IFT172: variants seen among roughly 807,000 people sequenced by gnomAD.
IFT172 encodes the protein intraflagellar transport 172, also known as intraflagellar transport protein 172 homolog.
IFT172 carries 164 observed loss-of-function variants against 248.9 expected under a neutral mutation model. The ratio of observed to expected loss-of-function variants is 0.66; its 90% CI spans 0.58 to 0.75. The LOEUF is 0.75. IFT172 is among the 30% of genes least tolerant of loss of function. The probability of loss-of-function intolerance (pLI) is 0.00; values close to 1 mark genes in which losing one functional copy is unlikely to be tolerated. For missense variants in IFT172, 1,950 were observed against 2,192.4 expected (o/e 0.89, Z 2.21); for synonymous variants, 729 against 791.6 (o/e 0.92, Z 1.33).
In IFT172 at chr2:27,457,689, C is replaced by T. The variant is rs560379580; in HGVS notation, c.3178G>A (p.Ala1060Thr). ...YHYLEAQEWK[A>T]TVNMYRASGL... ...CTGGCCCGGTACATGTTCACTGTTG[C>T]CTTCCATTCCTGGGCCTCGAGGTAG... The change falls in exon 29 of 48, where the codon GCA becomes ACA. Residue 1060 changes from alanine (A) to threonine (T), a missense_variant. Physicochemically the swap from Ala to Thr is moderately conservative, Grantham distance 58. Around this residue, in one of 3 missense-constraint regions of IFT172, gnomAD observed 164 missense variants for 239.3 expected, o/e 0.69. Coordinates refer to ENST00000260570, the MANE Select transcript of IFT172 (RefSeq NM_015662.3). 4.6e-5 allele frequency: 74 copies of T among 1,614,216 alleles called. No individual in the cohort carries two copies. The South Asian group carries it at 6.3e-4, about 14-fold the overall frequency.
rs755926439 is a variant in IFT172 at position 27,470,992 on chromosome 2, C to T, written c.1628G>A (p.Arg543Gln). 2.0e-5 allele frequency: 32 copies of T among 1,613,798 alleles called. No homozygotes were observed. In the East Asian group the frequency reaches 2.2e-4, roughly 11 times the overall value. The change falls in exon 16 of 48, where the codon CGA becomes CAA. Residue 543 changes from arginine (R) to glutamine (Q), a missense_variant. Physicochemically the swap from Arg to Gln is conservative, Grantham distance 43. Coordinates refer to ENST00000260570, the MANE Select transcript of IFT172 (RefSeq NM_015662.3). ...PGSDVLVAQN[R>Q]NSLCVWYNIE... Reference sequence around the variant, plus strand: ...GTTGTACCATACACACAGACTGTTTCGGTTCTGAGCTACCAGCACGTCACT... The same window carrying T: ...GTTGTACCATACACACAGACTGTTTTGGTTCTGAGCTACCAGCACGTCACT...
At chr2:27,482,501 T>A (rs368745755) in intron 7 of IFT172, among the ~76,000 whole-genome samples, 2 of 151,864 alleles carry the variant, frequency 1.3e-5, no homozygotes, top group East Asian at 3.9e-4. Flanking sequence ...GTCAGGCTGG[T>A]TTCCAACTCC....
chr2:27,448,200 T>G (rs929165605), intron 40 of IFT172, among the ~76,000 whole-genome samples: 5 of 151,978 alleles, frequency 3.3e-5, no homozygotes, highest in African/African-American at 1.2e-4. Context: ...CCCAGGTTCA[T>G]GCCATTCTCC....
intron 4 of IFT172, 53 bp from the exon 5 acceptor site, chr2:27,483,990 T>C (rs1410586976): frequency 1.4e-5 from 22 of 1,523,434 alleles, no homozygotes; most frequent in Non-Finnish European, 2.0e-5. Flanking sequence ...GGGCCAGCAC[T>C]TTTATAACAA....
Position 27,478,431 on chromosome 2 carries a change from C to G in IFT172, c.1006-275G>C, listed in dbSNP as rs1668121454. Among the ~76,000 whole-genome samples, 4 of 152,144 alleles carry G rather than the reference C, an allele frequency of 2.6e-5. No homozygotes were observed. The South Asian group carries it at 6.2e-4, about 24-fold the overall frequency. Reference sequence around the variant, plus strand: ...ACCAATCACTCTATGTTCTCATGGTCTTTGTACAAACCTTATATATCATTG... The same window carrying G: ...ACCAATCACTCTATGTTCTCATGGTGTTTGTACAAACCTTATATATCATTG... On this transcript the variant is annotated intron_variant, in intron 10 of 47. Transcript: ENST00000260570.
At position 27,462,806 on chromosome 2, in the gene IFT172, AAGG is replaced by A; in HGVS notation, c.2023-16_2023-14del. 1 of 1,613,644 alleles carries A rather than the reference AAGG, an allele frequency of 6.2e-7. No individual in the cohort carries two copies. Among genetic ancestry groups the A allele is most frequent in the Non-Finnish European group, 8.5e-7 (1 of 1,179,618 alleles). On this transcript the variant is annotated splice_polypyrimidine_tract_variant and intron_variant, in intron 19 of 47. Transcript: ENST00000260570. ...TTCCTTCTCCGCCCTGTGGGGGAAA[AAGG>A]AGGTTCTGATTTTTCTGTAGGTGCT...
rs370874046 is a variant in IFT172, at chr2:27,479,542, G to T, written c.972C>A (p.Asn324Lys). 1.9e-6 allele frequency: 3 copies of T among 1,613,056 alleles called. No homozygotes were observed. Among genetic ancestry groups the T allele is most frequent in the East Asian group, 4.5e-5 (2 of 44,876 alleles). ...GTCCCACATACGTCAACTCAAACTT[G>T]TTCTTGTAAATACTCCTTCGGAGGC... The part of the protein sequence containing the change: ...DCCLRRSIYK[N>K]KFELTYVGPS... The change falls in exon 10 of 48, where the codon AAC becomes AAA. Residue 324 changes from asparagine (N) to lysine (K), a missense_variant. Transcript: ENST00000260570.
At chr2:27,471,243 C>T in intron 15 of IFT172, 148 bp from the exon 16 acceptor site, 1 of 678,818 alleles carries the variant, frequency 1.5e-6, no homozygotes, top group East Asian at 2.8e-5. Flanking sequence ...CTGCTTTCTG[C>T]TGAGCTGGTA....
At chr2:27,448,686 G>A (rs1665391327) in intron 40 of IFT172, among the ~76,000 whole-genome samples, 1 of 152,050 alleles carries the variant, frequency 6.6e-6, no homozygotes, top group Non-Finnish European at 1.5e-5. Context: ...GGAGCTCCAC[G>A]GGTGTTTCTT....
chr2:27,448,889 A>G, intron 40 of IFT172, 26 bp downstream of exon 40: 1 of 1,093,512 alleles, frequency 9.1e-7, no homozygotes, highest in Non-Finnish European at 1.4e-6. Context: ...TTGTGGAAAC[A>G]TTCAACCCAA....
Position 27,461,458 on chromosome 2 carries a change from CTG to C in IFT172, c.2251_2252del (p.Gln751AlafsTer7). 1 of 1,614,178 alleles carries C rather than the reference CTG, an allele frequency of 6.2e-7. No homozygotes were observed. Among genetic ancestry groups the C allele is most frequent in the South Asian group, 1.1e-5 (1 of 91,084 alleles). ...GTAGTTCACCTGCTCGCTCCTCTTGCTGTGTGTCCATCAGCCACTGGTAGTAA... is the reference window on the plus strand; with the variant it reads ...GTAGTTCACCTGCTCGCTCCTCTTGCTGTGTCCATCAGCCACTGGTAGTAA... Reference protein sequence around the residue: ...RSYYQWLMDTQQEERAGELQE... With the variant: ...RSYYQWLMDTXQEERAGELQE... On this transcript the variant is annotated frameshift_variant, in exon 22 of 48. Coordinates refer to ENST00000260570, the MANE Select transcript of IFT172 (RefSeq NM_015662.3). LOFTEE classifies it high-confidence loss of function.
chr2:27,473,609 C>T (rs1667750669), intron 14 of IFT172, among the ~76,000 whole-genome samples: 1 of 151,324 alleles, frequency 6.6e-6, no homozygotes, highest in South Asian at 2.1e-4. Context: ...TGCGCCTGGC[C>T]GATAAAGCCA....
intron 10 of IFT172, 62 bp from the exon 11 acceptor site, chr2:27,478,218 C>A (rs1373956221): frequency 1.9e-6 from 3 of 1,601,594 alleles, no homozygotes; most frequent in Non-Finnish European, 2.6e-6. Context: ...GGTGAACAAC[C>A]ATGACCTTTG....
rs376890875 is a variant in IFT172, at chr2:27,463,146, C to T, written c.1973G>A (p.Arg658Gln). ...FSALGQVAKA[R>Q]FLHETNEIAD... ...AATCTCATTGGTCTCATGCAGGAAT[C>T]GAGCTTTTGCTACTTGGCCCAAAGC... Residue 658 changes from arginine to glutamine, a missense_variant, in exon 19 of 48, where the codon CGA (arginine) becomes CAA (glutamine). Transcript: ENST00000260570. 81 of 1,614,006 alleles carry T rather than the reference C, an allele frequency of 5.0e-5. No homozygotes were observed. The highest frequency in any genetic ancestry group is 1.6e-4 in the Middle Eastern group (1 of 6,084).
intron 12 of IFT172, 77 bp downstream of exon 12, chr2:27,477,482 G>C (rs568254372): frequency 5.4e-5 from 68 of 1,263,302 alleles, no homozygotes; most frequent in Non-Finnish European, 7.1e-5. Context: ...CCTATCCCTT[G>C]CAACTTGCCA....
At chr2:27,483,177 T>G (rs1226840043) in intron 7 of IFT172, 112 bp downstream of exon 7, 1 of 697,412 alleles carries the variant, frequency 1.4e-6, no homozygotes, top group Non-Finnish European at 2.6e-6. Flanking sequence ...CTAATTTTTG[T>G]ATTTATTTTT....
chr2:27,458,497 A>G (rs1558375343), intron 26 of IFT172, among the ~76,000 whole-genome samples: 1 of 152,314 alleles, frequency 6.6e-6, no homozygotes. Flanking sequence ...AGGCGCAAGA[A>G]CAAAGTCATC....
chr2:27,453,942 C>G, intron 33 of IFT172, 40 bp downstream of exon 33: 7 of 1,558,478 alleles, frequency 4.5e-6, no homozygotes, highest in Non-Finnish European at 6.1e-6. Flanking sequence ...CTCTTACAAA[C>G]TCTCCCCCTC....
At chr2:27,468,228 GA>G (rs1401452685) in intron 16 of IFT172, among the ~76,000 whole-genome samples, 8 of 151,102 alleles carry the variant, frequency 5.3e-5, no homozygotes, top group Non-Finnish European at 8.9e-5. Context: ...AAAAAGAGAA[GA>G]TTTTTTTGTT....
Sources: allele counts gnomAD v4.1 joint callset (sites outside exome capture counted in the v4.1 genomes callset), GRCh38; gene constraint gnomAD v4.1.1; regional missense constraint gnomAD v4.1.1; transcripts MANE v1.5; gene names NCBI Gene and HGNC (gene_info 2026-07-23, HGNC 2026-07-21).